MYRFL: variants seen among roughly 807,000 people sequenced by gnomAD.
MYRFL encodes myelin regulatory factor-like protein.
In MYRFL, 88 loss-of-function variants were observed where a neutral mutation model predicts 109.4. The observed-to-expected ratio is 0.80, with a 90% CI of 0.68 to 0.96. The LOEUF (loss-of-function observed/expected upper bound fraction) is 0.96. Among genes scored for constraint, MYRFL ranks in the 40% least tolerant of loss-of-function variants. The pLI is 0.00. For synonymous variants in MYRFL, 324 were observed against 320.9 expected (o/e 1.01, Z -0.10); for missense variants, 957 against 954.9 (o/e 1.00, Z -0.03).
At chr12:69,837,144 T>C (rs1268868021) in intron 1 of MYRFL, among the ~76,000 whole-genome samples, 1 of 152,166 alleles carries the variant, frequency 6.6e-6, no homozygotes, top group Non-Finnish European at 1.5e-5. Flanking sequence ...CCAACACTTT[T>C]TTCATCTGCA....
intron 1 of MYRFL, among the ~76,000 whole-genome samples, chr12:69,831,484 C>T (rs1882631726): frequency 6.6e-6 from 1 of 152,138 alleles, no homozygotes; most frequent in African/African-American, 2.4e-5. Context: ...AACATGGGTT[C>T]TGAGTTAGTC....
At position 69,958,237 on chromosome 12, in the gene MYRFL, T is replaced by C. The variant is rs1289363304; in HGVS notation, c.2572-12T>C. ...CGTGTACGAAATGGATCCTCTTTTA[T>C]TCACTATTTAGGGATATCAGCACAT... On this transcript the variant is annotated splice_polypyrimidine_tract_variant and intron_variant, in intron 23 of 24. Coordinates refer to ENST00000552032, the MANE Select transcript of MYRFL (RefSeq NM_182530.3). 6 of 1,529,516 alleles carry C rather than the reference T, an allele frequency of 3.9e-6. No individual in the cohort carries two copies. The highest frequency in any genetic ancestry group is 1.4e-5 in the African/African-American group (1 of 72,782). 94.7% of individuals were successfully genotyped at this position (1,529,516 alleles called of 1,614,324 possible). A position where few individuals can be genotyped will look rare whatever the true frequency, so the allele number is the denominator to read the frequency against.
chr12:69,891,637 T>TTCTCTTTCTTTCTTTCTTTCTTTTCTTTC, intron 7 of MYRFL, among the ~76,000 whole-genome samples: 3 of 53,788 alleles, frequency 5.6e-5, no homozygotes, highest in Admixed American at 2.6e-4. Flanking sequence ...CTTCCTTTCT[T>TTCTCTTTCTTTCTTTCTTTCTTTTCTTTC]TTTCTTTCTT....
At chr12:69,957,674 T>G in intron 22 of MYRFL, 148 bp from the exon 23 acceptor site, 57 of 900,748 alleles carry the variant, frequency 6.3e-5, no homozygotes, top group Non-Finnish European at 7.6e-5. Flanking sequence ...TTGGCATCGG[T>G]GAGCTTTGTG....
chr12:69,936,292 A>G lies in MYRFL; in HGVS notation c.2001A>G (p.Thr667=). The part of the protein sequence containing the change: ...RVPNLPPSNI[T]SSQEPALLPT... ...CATTCTTTTTCTCCAGCAATATCAC[A>G]AGCTCACAGGAGCCAGCTCTGCTGC... The change falls in exon 18 of 25, where the codon ACA becomes ACG. Residue 667 remains threonine, a synonymous_variant. Transcript: ENST00000552032. 6.5e-7 allele frequency: 1 copy of G among 1,536,042 alleles called. No homozygotes were observed.
intron 1 of MYRFL, among the ~76,000 whole-genome samples, chr12:69,842,243 C>T (rs995726302): frequency 2.6e-5 from 4 of 152,190 alleles, no homozygotes; most frequent in African/African-American, 9.7e-5. Flanking sequence ...GTGCAATCTC[C>T]CAACTGCAGG....
intron 6 of MYRFL, among the ~76,000 whole-genome samples, chr12:69,887,725 T>TA (rs1886546258): frequency 6.6e-6 from 1 of 152,216 alleles, no homozygotes; most frequent in Non-Finnish European, 1.5e-5. Context: ...CACTAGGACT[T>TA]TCATGGTGGA....
intron 22 of MYRFL, among the ~76,000 whole-genome samples, 167 bp downstream of exon 22, chr12:69,955,604 G>A (rs1956075402): frequency 6.6e-6 from 1 of 152,210 alleles, no homozygotes; most frequent in African/African-American, 2.4e-5. Context: ...TTTTCAAAAT[G>A]AGGGCTGTGA....
intron 1 of MYRFL, among the ~76,000 whole-genome samples, chr12:69,836,820 T>C (rs745593720): frequency 5.9e-5 from 9 of 152,172 alleles, no homozygotes; most frequent in Non-Finnish European, 1.0e-4. Context: ...GAAACAATGC[T>C]CAGGACCTGT....
intron 10 of MYRFL, among the ~76,000 whole-genome samples, chr12:69,903,280 C>T (rs1046567049): frequency 6.6e-6 from 1 of 152,236 alleles, no homozygotes; most frequent in South Asian, 2.1e-4. Flanking sequence ...ATATAATGTT[C>T]TGATTTTAAA....
At chr12:69,905,744 G>T (rs1388553573) in intron 11 of MYRFL, among the ~76,000 whole-genome samples, 2 of 152,074 alleles carry the variant, frequency 1.3e-5, no homozygotes, top group African/African-American at 4.8e-5. Flanking sequence ...TTTATTAAAT[G>T]ATTTCATATT....
intron 15 of MYRFL, among the ~76,000 whole-genome samples, chr12:69,932,145 G>A (rs180859515): frequency 2.7e-4 from 41 of 149,556 alleles, no homozygotes; most frequent in East Asian, 3.9e-4. Context: ...ATTTTCAAAA[G>A]TATCCTACTC....
intron 22 of MYRFL, among the ~76,000 whole-genome samples, chr12:69,957,492 G>A (rs779013925): frequency 2.6e-5 from 4 of 152,140 alleles, no homozygotes; most frequent in Non-Finnish European, 5.9e-5. Context: ...TTGGGTGGCC[G>A]AGGCGTTAGG....
At chr12:69,847,624 T>C (rs1883635933) in intron 1 of MYRFL, among the ~76,000 whole-genome samples, 1 of 152,162 alleles carries the variant, frequency 6.6e-6, no homozygotes, top group East Asian at 1.9e-4. Flanking sequence ...TCTGGAGTCC[T>C]AGAAAATATT....
chr12:69,844,294 G>T (rs532079087), intron 1 of MYRFL, among the ~76,000 whole-genome samples: 3 of 152,158 alleles, frequency 2.0e-5, no homozygotes, highest in African/African-American at 7.2e-5. Flanking sequence ...CTACCTGGGG[G>T]AGCAGGTTGG....
intron 13 of MYRFL, among the ~76,000 whole-genome samples, chr12:69,911,302 C>T (rs989880): frequency 0.36 from 54,201 of 151,930 alleles, 10,495 homozygotes; most frequent in African/African-American, 0.5. Flanking sequence ...TGGTAATAAA[C>T]TTATGAAAAA....
At position 69,956,096 on chromosome 12, in the gene MYRFL, A is replaced by G. The variant is rs1401962539; in HGVS notation, c.2450+659A>G. Among the ~76,000 whole-genome samples, 8 of 152,282 alleles carry G rather than the reference A, an allele frequency of 5.3e-5. No homozygotes were observed. In the East Asian group the frequency reaches 1.5e-3, roughly 29 times the overall value. On this transcript the variant is annotated intron_variant, in intron 22 of 24. Transcript: ENST00000552032. ...ATGCCAGACTTTAATACTGGGTCAT[A>G]AAATCCTCACAGCAACCCTCCCAGG...
At chr12:69,939,488 G>A (rs1955575553) in intron 19 of MYRFL, among the ~76,000 whole-genome samples, 1 of 151,868 alleles carries the variant, frequency 6.6e-6, no homozygotes, top group African/African-American at 2.4e-5. Flanking sequence ...GGTCCTGTCT[G>A]TTAGAAGGAA....
intron 22 of MYRFL, among the ~76,000 whole-genome samples, chr12:69,957,463 C>A (rs1054998804): frequency 1.3e-5 from 2 of 152,124 alleles, no homozygotes; most frequent in African/African-American, 2.4e-5. Context: ...GCCAGGCTAA[C>A]GTCTGTAATC....
Sources: allele counts gnomAD v4.1 joint callset (sites outside exome capture counted in the v4.1 genomes callset), GRCh38; gene constraint gnomAD v4.1.1; transcripts MANE v1.5; gene names NCBI Gene and HGNC (gene_info 2026-07-23, HGNC 2026-07-21).